The following PHLDB2 variants were observed in gnomAD, a reference collection of about 807,000 sequenced individuals.
PHLDB2 encodes the protein pleckstrin homology like domain family B member 2.
A neutral mutation model predicts 123.6 loss-of-function variants in PHLDB2; 71 were observed. That is an observed-to-expected ratio of 0.57 (90% CI 0.47 to 0.70). The LOEUF (loss-of-function observed/expected upper bound fraction) is 0.70, where lower values mean the gene tolerates loss of function less well. Among genes scored for constraint, PHLDB2 ranks in the 30% least tolerant of loss-of-function variants. The probability of loss-of-function intolerance (pLI) is 0.00; values close to 1 mark genes in which losing one functional copy is unlikely to be tolerated. For synonymous variants in PHLDB2, 547 were observed against 541.6 expected (o/e 1.01, Z -0.14); for missense variants, 1,446 against 1,519.5 (o/e 0.95, Z 0.80).
chr3:111,782,839 G>A (rs542004898), intron 1 of PHLDB2, among the ~76,000 whole-genome samples: 9 of 152,110 alleles, frequency 5.9e-5, no homozygotes, highest in African/African-American at 2.2e-4. Context: ...TTGTTCTCAG[G>A]CTATTCAGAG....
At chr3:111,791,773 G>A (rs2060939280) in intron 1 of PHLDB2, among the ~76,000 whole-genome samples, 2 of 152,102 alleles carry the variant, frequency 1.3e-5, no homozygotes, top group Non-Finnish European at 2.9e-5. Context: ...TCAAATCAGG[G>A]TAATTAGGAT....
At chr3:111,955,141 T>G in intron 12 of PHLDB2, among the ~76,000 whole-genome samples, 1 of 28,872 alleles carries the variant, frequency 3.5e-5, no homozygotes, top group South Asian at 2.3e-3. Flanking sequence ...TGTATGTATA[T>G]ATGATATATA....
At chr3:111,824,593 A>G (rs1420164055) in intron 1 of PHLDB2, among the ~76,000 whole-genome samples, 1 of 152,206 alleles carries the variant, frequency 6.6e-6, no homozygotes, top group Non-Finnish European at 1.5e-5. Flanking sequence ...CAGAAGTGGA[A>G]GTAAAAGCAT....
intron 1 of PHLDB2, among the ~76,000 whole-genome samples, chr3:111,803,553 G>A (rs1428832756): frequency 6.6e-6 from 1 of 151,702 alleles, no homozygotes; most frequent in African/African-American, 2.4e-5. Context: ...TCAATTTTCA[G>A]TGAACTCAGG....
chr3:111,784,876 A>G lies in PHLDB2; in HGVS notation c.-49+52173A>G, dbSNP rs750515054. ...TCATACCTAACCAATTCCCTATTGT[A>G]AAAACTTTATTTTTTCTATTTTGAT... On this transcript the variant is annotated intron_variant, in intron 1 of 17. Coordinates refer to the PHLDB2 transcript ENST00000393923. Among the ~76,000 whole-genome samples, 196 of 152,244 alleles carry G rather than the reference A, an allele frequency of 1.3e-3. 1 individual carries two copies. The highest frequency in any genetic ancestry group is 2.4e-3 in the Non-Finnish European group (166 of 67,996).
At chr3:111,860,596 A>G (rs1016061002) in intron 1 of PHLDB2, among the ~76,000 whole-genome samples, 1 of 152,156 alleles carries the variant, frequency 6.6e-6, no homozygotes, top group Non-Finnish European at 1.5e-5. Context: ...TGTCCCTCCC[A>G]GGGTTGGGGT....
chr3:111,781,932 C>T (rs890911686), intron 1 of PHLDB2, among the ~76,000 whole-genome samples: 3 of 152,102 alleles, frequency 2.0e-5, no homozygotes, highest in African/African-American at 7.2e-5. Flanking sequence ...GCAGTATTGC[C>T]GTGGCACAAA....
At chr3:111,967,586 G>T in intron 14 of PHLDB2, 92 bp from the exon 15 acceptor site, 1 of 1,325,610 alleles carries the variant, frequency 7.5e-7, no homozygotes. Context: ...ACCAAGATTT[G>T]TCTAGTAAGA....
At chr3:111,858,004 C>T (rs371232667), upstream of PHLDB2, among the ~76,000 whole-genome samples, 5 of 152,164 alleles carry the variant, frequency 3.3e-5, no homozygotes, top group African/African-American at 9.7e-5. Context: ...CACATACAAA[C>T]GTATGTTTAT....
intron 8 of PHLDB2, among the ~76,000 whole-genome samples, chr3:111,944,989 A>G (rs2070197444): frequency 6.6e-6 from 1 of 152,188 alleles, no homozygotes; most frequent in Non-Finnish European, 1.5e-5. Flanking sequence ...ATGTTTTTAA[A>G]ATTTTATTTT....
intron 2 of PHLDB2, among the ~76,000 whole-genome samples, chr3:111,893,789 A>G (rs1162112187): frequency 6.7e-6 from 1 of 149,314 alleles, no homozygotes; most frequent in Admixed American, 6.7e-5. Flanking sequence ...GAAATTAGGT[A>G]TAATATATTT....
rs1487382764 is a variant in PHLDB2 at position 111,834,097 on chromosome 3, T to A, written c.-48-11724T>A. Among the ~76,000 whole-genome samples the A allele has an allele frequency of 2.2e-3, 256 of 115,658 alleles. 10 individuals carry two copies. The highest frequency in any genetic ancestry group is 3.0e-3 in the Admixed American group (31 of 10,168). The allele number at this position is 115,658 out of a possible 152,430, so 75.9% of individuals were successfully genotyped here. A position where few individuals can be genotyped will look rare whatever the true frequency, so the allele number is the denominator to read the frequency against. On this transcript the variant is annotated intron_variant, in intron 1 of 17. Coordinates refer to the PHLDB2 transcript ENST00000393923. ...TATATATACTATATATGTAATAGAATTATATATATTATATATGTAATAGAA... is the reference window on the plus strand; with the variant it reads ...TATATATACTATATATGTAATAGAAATATATATATTATATATGTAATAGAA...
chr3:111,886,194 C>G (rs1007630021), intron 2 of PHLDB2, among the ~76,000 whole-genome samples: 2 of 152,180 alleles, frequency 1.3e-5, no homozygotes, highest in African/African-American at 2.4e-5. Flanking sequence ...TTCATGATTT[C>G]CTTAACAAGA....
In PHLDB2 at chr3:111,807,981, G is replaced by C. The variant is rs1479306490; in HGVS notation, c.-48-37840G>C. 2.1e-5 allele frequency among the ~76,000 whole-genome samples: 3 copies of C among 141,344 alleles called. No individual in the cohort carries two copies. In the East Asian group the frequency reaches 6.2e-4, roughly 29 times the overall value. The allele number at this position is 141,344 out of a possible 152,430, so 92.7% of individuals were successfully genotyped here. ...TTTTTTTTTGCCTAATTTTATGAGT[G>C]ACTCAATAGTTCTCAGGCCTGGCTG... is the stretch of plus-strand genomic sequence containing the variant. On this transcript the variant is annotated intron_variant, in intron 1 of 17. Transcript: ENST00000393923.
At chr3:111,918,690 G>A (rs955916824) in intron 3 of PHLDB2, among the ~76,000 whole-genome samples, 6 of 152,326 alleles carry the variant, frequency 3.9e-5, no homozygotes, top group African/African-American at 1.2e-4. Context: ...AAGAGATCCC[G>A]AGGAAGATGC....
chr3:111,877,595 C>G (rs1012342390), intron 1 of PHLDB2, among the ~76,000 whole-genome samples: 1 of 152,128 alleles, frequency 6.6e-6, no homozygotes. Flanking sequence ...TCAATTTTGA[C>G]TTTTGTTGCC....
At chr3:111,811,646 AC>A (rs1278905498) in intron 1 of PHLDB2, among the ~76,000 whole-genome samples, 2 of 152,064 alleles carry the variant, frequency 1.3e-5, no homozygotes, top group African/African-American at 4.8e-5. Flanking sequence ...TCCTCACTAC[AC>A]ACACACATAC....
chr3:111,738,542 A>G lies in PHLDB2; in HGVS notation c.-49+5839A>G, dbSNP rs1381027467. ...TGACATAGGATTAAATAATCTTGCCACTTACCAGAGATGAGAAGGTTTTAA... is the reference window on the plus strand; with the variant it reads ...TGACATAGGATTAAATAATCTTGCCGCTTACCAGAGATGAGAAGGTTTTAA... On this transcript the variant is annotated intron_variant, in intron 1 of 17. Coordinates refer to the PHLDB2 transcript ENST00000393923. 2.6e-5 allele frequency among the ~76,000 whole-genome samples: 4 copies of G among 152,298 alleles called. No homozygotes were observed. The East Asian group carries it at 5.8e-4, about 22-fold the overall frequency.
Position 111,966,709 on chromosome 3 carries a change from C to T in PHLDB2, c.3168+6C>T, listed in dbSNP as rs1416513765. Reference sequence around the variant, plus strand: ...CGCGGCTGCTCGAATCCAGGGTAAGCTTCATATTTTCATGCCGGAGGTCTG... The same window carrying T: ...CGCGGCTGCTCGAATCCAGGGTAAGTTTCATATTTTCATGCCGGAGGTCTG... On this transcript the variant is annotated splice_donor_region_variant and intron_variant, in intron 14 of 17. Transcript: ENST00000431670. The T allele has an allele frequency of 3.1e-6, 5 of 1,610,386 alleles. No individual in the cohort carries two copies. Among genetic ancestry groups the T allele is most frequent in the Non-Finnish European group, 4.2e-6 (5 of 1,177,966 alleles).
Sources: gnomAD v4.1 joint callset for allele counts (sites outside exome capture counted in the v4.1 genomes callset) on GRCh38, gnomAD v4.1.1 for gene constraint, MANE v1.5 for transcripts, NCBI Gene and HGNC (gene_info 2026-07-23, HGNC 2026-07-21) for gene names.